The following CYLD variants were observed in gnomAD, a reference collection of about 807,000 sequenced individuals.
The protein encoded by CYLD is CYLD lysine 63 deubiquitinase, also known as ubiquitin carboxyl-terminal hydrolase CYLD.
CYLD carries 26 observed loss-of-function variants against 104.5 expected under a neutral mutation model. That is an observed-to-expected ratio of 0.25 (90% CI 0.18 to 0.35). The LOEUF (loss-of-function observed/expected upper bound fraction) is 0.35, where lower values mean the gene tolerates loss of function less well. Among genes scored for constraint, CYLD ranks in the 10% least tolerant of loss-of-function variants. The probability of loss-of-function intolerance (pLI) is 1.00; values close to 1 mark genes in which losing one functional copy is unlikely to be tolerated. For missense variants in CYLD, 703 were observed against 1,136.1 expected, an observed-to-expected ratio of 0.62 and a Z score of 5.48; for synonymous variants, 385 against 399.9, an observed-to-expected ratio of 0.96 and a Z score of 0.45.
chr16:50,800,811 T>C lies in CYLD; in HGVS notation c.*4303T>C, dbSNP rs1485922425. 8 of 233,228 alleles carry C rather than the reference T, an allele frequency of 3.4e-5. No homozygotes were observed. The highest frequency in any genetic ancestry group is 8.5e-6 in the Non-Finnish European group (1 of 118,026). 14.4% of individuals were successfully genotyped at this position (233,228 alleles called of 1,614,324 possible). A position where few individuals can be genotyped will look rare whatever the true frequency, so the allele number is the denominator to read the frequency against. On this transcript the variant is annotated 3_prime_UTR_variant, in exon 19 of 19. Coordinates refer to ENST00000427738, the MANE Select transcript of CYLD (RefSeq NM_001378743.1). ...GGCCTGTAATTTAAAATAATACTCC[T>C]TTCTCTAGGGTTTGGTGCAATTCTC...
chr16:50,795,496 G>A, intron 18 of CYLD: 1 of 702,156 alleles, frequency 1.4e-6, no homozygotes, highest in Non-Finnish European at 2.6e-6. Context: ...GGGCAAGGTT[G>A]TGAGGTGTGA....
chr16:50,782,364 C>T lies in CYLD; in HGVS notation c.1724C>T (p.Thr575Ile), dbSNP rs1185841436. 2.5e-6 allele frequency: 4 copies of T among 1,613,250 alleles called. No homozygotes were observed. In the South Asian group the frequency reaches 4.4e-5, roughly 18 times the overall value. ...GYLSEVVEEN[T>I]PPKMEKEGLE... is the part of the protein sequence containing the mutation. ...TTAAGTGAAGTAGTAGAAGAAAATACTCCACCAAAAATGGAAAAAGAAGGC... is the reference window on the plus strand; with the variant it reads ...TTAAGTGAAGTAGTAGAAGAAAATATTCCACCAAAAATGGAAAAAGAAGGC... The change falls in exon 11 of 19, where the codon ACT becomes ATT. Residue 575 changes from threonine to isoleucine, a missense_variant. By Grantham distance (89) the Thr-to-Ile change is moderately conservative. Around this residue, in one of 5 missense-constraint regions of CYLD, gnomAD observed 125 missense variants for 325.4 expected, o/e 0.38. Coordinates refer to ENST00000427738, the MANE Select transcript of CYLD (RefSeq NM_001378743.1).
intron 5 of CYLD, among the ~76,000 whole-genome samples, chr16:50,755,011 ATAT>A (rs1966888125): frequency 3.9e-4 from 4 of 10,360 alleles, no homozygotes; most frequent in Admixed American, 8.1e-4. Flanking sequence ...ATATACATAT[ATAT>A]GTATATATAC....
In CYLD at chr16:50,796,808, T is replaced by A; in HGVS notation, c.*300T>A. ...TGATCATATGATATTTTTGGAAGCA[T>A]ACAATTTTAATTGTGGAAGTTTAAA... On this transcript the variant is annotated 3_prime_UTR_variant, in exon 19 of 19. Coordinates refer to ENST00000427738, the MANE Select transcript of CYLD (RefSeq NM_001378743.1). The A allele has an allele frequency of 2.5e-6, 1 of 404,562 alleles. No homozygotes were observed. Among genetic ancestry groups the A allele is most frequent in the Non-Finnish European group, 4.6e-6 (1 of 218,048 alleles). 25.1% of individuals were successfully genotyped at this position (404,562 alleles called of 1,614,324 possible). A position where few individuals can be genotyped will look rare whatever the true frequency, so the allele number is the denominator to read the frequency against.
At chr16:50,795,627 G>A in intron 18 of CYLD, 1 of 702,850 alleles carries the variant, frequency 1.4e-6, no homozygotes, top group East Asian at 2.7e-5. Flanking sequence ...GCAGCCTCTT[G>A]AACAGAGGCC....
In CYLD at chr16:50,792,655, A is replaced by G. The variant is rs1355390482; in HGVS notation, c.2300A>G (p.Lys767Arg). The G allele has an allele frequency of 6.2e-7, 1 of 1,600,318 alleles. No homozygotes were observed. Among genetic ancestry groups the G allele is most frequent in the Non-Finnish European group, 8.6e-7 (1 of 1,169,376 alleles). The change falls in exon 16 of 19, where the codon AAA (lysine) becomes AGA (arginine). Residue 767 changes from lysine (K) to arginine (R), a missense_variant. By Grantham distance (26) the Lys-to-Arg change is conservative. This residue lies in a region of CYLD where 125 missense variants were observed against 325.4 expected (regional missense o/e 0.38). Coordinates refer to ENST00000427738, the MANE Select transcript of CYLD (RefSeq NM_001378743.1). ...TTTGGAAAAGACTTTAAACTATTTA[A>G]AAAAATTTTTCCTTCTCTGGAATTA... is the stretch of plus-strand genomic sequence containing the variant. Reference protein sequence around the residue: ...PRFGKDFKLFKKIFPSLELNI... With the variant: ...PRFGKDFKLFRKIFPSLELNI...
rs1430418520 is a variant in CYLD at position 50,799,702 on chromosome 16, C to A, written c.*3194C>A. 1.3e-5 allele frequency: 3 copies of A among 233,278 alleles called. No homozygotes were observed. Among genetic ancestry groups the A allele is most frequent in the Non-Finnish European group, 2.5e-5 (3 of 117,950 alleles). The allele number at this position is 233,278 out of a possible 1,614,324, so 14.5% of individuals were successfully genotyped here. On this transcript the variant is annotated 3_prime_UTR_variant, in exon 19 of 19. Coordinates refer to ENST00000427738, the MANE Select transcript of CYLD (RefSeq NM_001378743.1). ...CATTAATCTTATAGAACTGTGTTGT[C>A]ACCCAAATTCCTGCTTGTTTGAACA...
At position 50,798,626 on chromosome 16, in the gene CYLD, A is replaced by G. The variant is rs1169802555; in HGVS notation, c.*2118A>G. 2 of 233,114 alleles carry G rather than the reference A, an allele frequency of 8.6e-6. No homozygotes were observed. Among genetic ancestry groups the G allele is most frequent in the Non-Finnish European group, 1.7e-5 (2 of 117,998 alleles). 14.4% of individuals were successfully genotyped at this position (233,114 alleles called of 1,614,324 possible). A position where few individuals can be genotyped will look rare whatever the true frequency, so the allele number is the denominator to read the frequency against. On this transcript the variant is annotated 3_prime_UTR_variant, in exon 19 of 19. Transcript: ENST00000427738. ...GATTTAACAGTTGGAAAAAAAAAAA[A>G]AAAAGGAGAGAGAAGACAGTTCCTT...
At chr16:50,754,240 G>A (rs1966840130) in intron 4 of CYLD, 79 bp from the exon 5 acceptor site, 1 of 931,222 alleles carries the variant, frequency 1.1e-6, no homozygotes, top group Admixed American at 1.8e-5. Flanking sequence ...ATATTTTGGA[G>A]GATTCTTTAT....
intron 9 of CYLD, 142 bp from the exon 10 acceptor site, chr16:50,781,104 T>C: frequency 1.2e-6 from 1 of 865,618 alleles, no homozygotes. Flanking sequence ...CAACTCCTTT[T>C]TCTTGATGAG....
intron 5 of CYLD, among the ~76,000 whole-genome samples, chr16:50,761,784 G>T (rs951937376): frequency 1.4e-4 from 3 of 21,748 alleles, no homozygotes; most frequent in African/African-American, 5.5e-4. Flanking sequence ...CTATATCTTT[G>T]ACCCATTTCT....
At chr16:50,765,357 C>A (rs1190711677) in intron 5 of CYLD, among the ~76,000 whole-genome samples, 1 of 152,158 alleles carries the variant, frequency 6.6e-6, no homozygotes, top group East Asian at 1.9e-4. Flanking sequence ...GCACCACAAA[C>A]CACACCCATA....
intron 5 of CYLD, among the ~76,000 whole-genome samples, chr16:50,756,290 C>T (rs1967232601): frequency 6.6e-6 from 1 of 152,152 alleles, no homozygotes; most frequent in South Asian, 2.1e-4. Context: ...TAATAAACTG[C>T]TACCTGAGTG....
chr16:50,761,216 C>T (rs987753489), intron 5 of CYLD, among the ~76,000 whole-genome samples: 1 of 152,128 alleles, frequency 6.6e-6, no homozygotes, highest in Non-Finnish European at 1.5e-5. Context: ...GCCCACTCTT[C>T]CACCCTCATT....
chr16:50,779,518 T>C lies in CYLD; in HGVS notation c.1139-147T>C, dbSNP rs535780903. On this transcript the variant is annotated intron_variant, in intron 8 of 18. Coordinates refer to ENST00000427738, the MANE Select transcript of CYLD (RefSeq NM_001378743.1). Reference sequence around the variant, plus strand: ...AGAGGAGCGAGAACACTGTTGGAGATAATAACTTTGTGATGCCTATGAGAG... The same window carrying C: ...AGAGGAGCGAGAACACTGTTGGAGACAATAACTTTGTGATGCCTATGAGAG... The C allele has an allele frequency of 1.0e-4, 70 of 702,888 alleles. No homozygotes were observed. The South Asian group carries it at 1.2e-3, about 12-fold the overall frequency. The allele number at this position is 702,888 out of a possible 1,614,324, so 43.5% of individuals were successfully genotyped here.
rs1318659244 is a variant in CYLD at position 50,796,603 on chromosome 16, A to T, written c.*95A>T. On this transcript the variant is annotated 3_prime_UTR_variant, in exon 19 of 19. Coordinates refer to ENST00000427738, the MANE Select transcript of CYLD (RefSeq NM_001378743.1). ...GTTCTGTTCACGTCCATTGCCGGCA[A>T]TGGATGTCTTTGTGGTGATGATCCT... The T allele has an allele frequency of 4.0e-6, 5 of 1,259,884 alleles. No homozygotes were observed. In the Admixed American group the frequency reaches 8.5e-5, roughly 21 times the overall value. 78.0% of individuals were successfully genotyped at this position (1,259,884 alleles called of 1,614,324 possible).
At position 50,743,926 on chromosome 16, in the gene CYLD, TTTCTC is replaced by T. The variant is rs1466666627; in HGVS notation, c.-124+1093_-124+1097del. On this transcript the variant is annotated intron_variant, in intron 2 of 18. Transcript: ENST00000427738. ...TAAATACTCCCAATTCCTGAGTCTT[TTTCTC>T]TTCTCTTTCTCTTGGTTTAATCCCT... 5.3e-5 allele frequency among the ~76,000 whole-genome samples: 8 copies of T among 152,226 alleles called. No individual in the cohort carries two copies. In the South Asian group the frequency reaches 6.2e-4, roughly 12 times the overall value.
In CYLD at chr16:50,797,435, G is replaced by T. The variant is rs1972145757; in HGVS notation, c.*927G>T. 1 of 232,156 alleles carries T rather than the reference G, an allele frequency of 4.3e-6. No homozygotes were observed. The highest frequency in any genetic ancestry group is 5.6e-5 in the Admixed American group (1 of 17,754). 14.4% of individuals were successfully genotyped at this position (232,156 alleles called of 1,614,324 possible). On this transcript the variant is annotated 3_prime_UTR_variant, in exon 19 of 19. Transcript: ENST00000427738. ...CTATTATTTTAGACAAGACTGTCTA[G>T]AACTTAAGTTTGATCTGTCAGCCAG...
rs775533371 is a variant in CYLD at position 50,777,822 on chromosome 16, T to C, written c.1022-3T>C. ...TTAAATGAAACTTTTCTTGTTCCTA[T>C]AGGATCTACCTCAGACCCTGGAAAT... On this transcript the variant is annotated splice_polypyrimidine_tract_variant and splice_region_variant and intron_variant, in intron 7 of 18. Coordinates refer to ENST00000427738, the MANE Select transcript of CYLD (RefSeq NM_001378743.1). The C allele has an allele frequency of 3.3e-6, 5 of 1,504,984 alleles. No individual in the cohort carries two copies. The highest frequency in any genetic ancestry group is 1.7e-5 in the Admixed American group (1 of 59,740). 93.2% of individuals were successfully genotyped at this position (1,504,984 alleles called of 1,614,324 possible). A position where few individuals can be genotyped will look rare whatever the true frequency, so the allele number is the denominator to read the frequency against.
Sources: gnomAD v4.1 joint callset for allele counts (sites outside exome capture counted in the v4.1 genomes callset) on GRCh38, gnomAD v4.1.1 for gene constraint, gnomAD v4.1.1 regional missense constraint, MANE v1.5 for transcripts, NCBI Gene and HGNC (gene_info 2026-07-23, HGNC 2026-07-21) for gene names.